CCDC22: variants seen among roughly 807,000 people sequenced by gnomAD.
The protein encoded by CCDC22 is CCC complex scaffolding subunit CCDC22, also known as coiled-coil domain-containing protein 22.
A neutral mutation model predicts 53.1 loss-of-function variants in CCDC22; 4 were observed. That is an observed-to-expected ratio of 0.08 (90% CI 0.04 to 0.17). CCDC22 has a LOEUF of 0.17. CCDC22 is among the 10% of genes least tolerant of loss of function. CCDC22 has a pLI of 1.00. For missense variants in CCDC22, 458 were observed against 554.0 expected (o/e 0.83, Z 1.74); for synonymous variants, 222 against 224.4 (o/e 0.99, Z 0.10).
chrX:49,242,092 T>G lies in CCDC22; in HGVS notation c.305T>G (p.Leu102Arg). Residue 102 changes from leucine (L) to arginine (R), a missense_variant, in exon 3 of 17, where the codon CTC becomes CGC. Leu to Arg is a moderately radical substitution (Grantham distance 102, BLOSUM62 -2). Around this residue, in one of 4 missense-constraint regions of CCDC22, gnomAD observed 55 missense variants for 106.0 expected, o/e 0.52. Coordinates refer to ENST00000376227, the MANE Select transcript of CCDC22 (RefSeq NM_014008.5). ...PSEPDLRDLL[L>R]FLAERLPTDA... ...GAGCCTGACCTCCGAGACCTGCTTC[T>G]CTTCTTGGCTGAGCGTCTGCCCACC... 8.3e-7 allele frequency: 1 copy of G among 1,210,622 alleles called. No individual in the cohort carries two copies. The highest frequency in any genetic ancestry group is 1.1e-6 in the Non-Finnish European group (1 of 895,146).
At position 49,236,975 on chromosome X, in the gene CCDC22, A is replaced by G. The variant is rs782779674; in HGVS notation, c.51-111A>G. The G allele has an allele frequency of 2.4e-3, 1,420 of 594,037 alleles. 1 individual carries two copies. The highest frequency in any genetic ancestry group is 5.0e-3 in the Middle Eastern group (15 of 3,016). 49.0% of individuals were successfully genotyped at this position (594,037 alleles called of 1,213,427 possible). A position where few individuals can be genotyped will look rare whatever the true frequency, so the allele number is the denominator to read the frequency against. ...AACATCCAGGATCTGTCTGAACTGT[A>G]GGCATCCTCCCTGCCCCGACCCTGG... On this transcript the variant is annotated intron_variant, in intron 1 of 16. Coordinates refer to ENST00000376227, the MANE Select transcript of CCDC22 (RefSeq NM_014008.5).
chrX:49,239,041 T>C (rs1376239239), intron 2 of CCDC22, among the ~76,000 whole-genome samples: 1 of 110,923 alleles, frequency 9.0e-6, no homozygotes, highest in Non-Finnish European at 1.9e-5. Context: ...AGTGGCACAA[T>C]CTCGGCTTAC....
rs1557114874 is a variant in CCDC22, at chrX:49,248,928, C to T, written c.1539+4C>T. On this transcript the variant is annotated splice_donor_region_variant and intron_variant, in intron 13 of 16. Coordinates refer to ENST00000376227, the MANE Select transcript of CCDC22 (RefSeq NM_014008.5). The stretch of plus-strand genomic sequence containing the variant: ...GCAGAAGGAAGAGATCACCAAGGTA[C>T]ACTGCCAGGGCCATGGAGGGTGGGT... The T allele has an allele frequency of 2.5e-6, 3 of 1,207,735 alleles. No individual in the cohort carries two copies. The highest frequency in any genetic ancestry group is 1.8e-5 in the South Asian group (1 of 56,175).
At position 49,248,187 on chromosome X, in the gene CCDC22, C is replaced by T; in HGVS notation, c.1093-4C>T. The T allele has an allele frequency of 1.7e-6, 2 of 1,201,469 alleles. No homozygotes were observed. The highest frequency in any genetic ancestry group is 1.1e-6 in the Non-Finnish European group (1 of 895,264). ...TGGCATGTGACTGGGTATCCACCGG[C>T]CAGGCAGAGTCTGAGTGCCGGCACA... On this transcript the variant is annotated splice_polypyrimidine_tract_variant and splice_region_variant and intron_variant, in intron 9 of 16. Transcript: ENST00000376227.
intron 1 of CCDC22, 70 bp downstream of exon 1, chrX:49,235,756 C>T (rs1415223125): frequency 1.0e-5 from 10 of 991,257 alleles, no homozygotes; most frequent in African/African-American, 3.9e-5. Context: ...CCCCGTTTCC[C>T]GGGAACCTTA....
At position 49,235,647 on chromosome X, in the gene CCDC22, C is replaced by T. The variant is rs868927716; in HGVS notation, c.11C>T (p.Ala4Val). Reference sequence around the variant, plus strand: ...CGACACGGCTCCACCATGGAGGAGGCGGACCGAATCCTCATCCATTCGCTG... The same window carrying T: ...CGACACGGCTCCACCATGGAGGAGGTGGACCGAATCCTCATCCATTCGCTG... The part of the protein sequence containing the change: MEE[A>V]DRILIHSLRQ... The change falls in exon 1 of 17, where the codon GCG becomes GTG. Residue 4 changes from alanine (A) to valine (V), a missense_variant. Coordinates refer to ENST00000376227, the MANE Select transcript of CCDC22 (RefSeq NM_014008.5). The T allele has an allele frequency of 8.5e-7, 1 of 1,182,133 alleles. No homozygotes were observed. The highest frequency in any genetic ancestry group is 1.1e-6 in the Non-Finnish European group (1 of 880,723).
chrX:49,246,698 C>T (rs2065991389), intron 6 of CCDC22, 33 bp from the exon 7 acceptor site: 10 of 1,099,424 alleles, frequency 9.1e-6, no homozygotes, highest in South Asian at 2.3e-5. Context: ...TGGGCCCCTA[C>T]ACCTTCCTGC....
In CCDC22 at chrX:49,249,720, G is replaced by A; in HGVS notation, c.1765G>A (p.Glu589Lys). The A allele has an allele frequency of 8.3e-7, 1 of 1,204,690 alleles. No individual in the cohort carries two copies. The highest frequency in any genetic ancestry group is 3.0e-5 in the East Asian group (1 of 33,822). ...CATGCGGGAGGTTCGAGACCTCGAG[G>A]AGCAGGTGAGGCCTGGGGGCAGGAT... Reference protein sequence around the residue: ...TIMREVRDLEEQIETELGKKT... With the variant: ...TIMREVRDLEKQIETELGKKT... The change falls in exon 16 of 17, where the codon GAG becomes AAG. Residue 589 changes from glutamate (E) to lysine (K), a missense_variant. By Grantham distance (56) the Glu-to-Lys change is moderately conservative. This residue lies in a region of CCDC22 where 46 missense variants were observed against 52.3 expected (regional missense o/e 0.88). Transcript: ENST00000376227.
chrX:49,240,322 CG>C (rs1389934657), intron 2 of CCDC22, among the ~76,000 whole-genome samples: 1 of 106,294 alleles, frequency 9.4e-6, no homozygotes, highest in African/African-American at 3.4e-5. Flanking sequence ...GAGGTGGAGG[CG>C]GGCAGATCTC....
Position 49,246,872 on chromosome X carries a change from G to A in CCDC22, c.856G>A (p.Gly286Ser), listed in dbSNP as rs781889561. Residue 286 changes from glycine to serine, a missense_variant, in exon 7 of 17, where the codon GGT becomes AGT. Physicochemically the swap from Gly to Ser is moderately conservative, Grantham distance 56. This residue lies in a region of CCDC22 where 309 missense variants were observed against 312.3 expected (regional missense o/e 0.99). Transcript: ENST00000376227. ...GGCCTGGGGTGCTGGGGCCAAGACT[G>A]GTGCTCCTAAGGGCTCCCGCTTCAC... ...LQAWGAGAKT[G>S]APKGSRFTHS... The A allele has an allele frequency of 2.5e-6, 3 of 1,201,016 alleles. No homozygotes were observed. The highest frequency in any genetic ancestry group is 3.4e-6 in the Non-Finnish European group (3 of 890,302).
At chrX:49,248,134 A>C (rs1334850605) in intron 9 of CCDC22, 57 bp from the exon 10 acceptor site, 1 of 1,195,370 alleles carries the variant, frequency 8.4e-7, no homozygotes, top group Admixed American at 2.2e-5. Flanking sequence ...AGGGGTGTAC[A>C]GTCATCTGTG....
chrX:49,249,835 C>T, intron 16 of CCDC22, 110 bp downstream of exon 16: 1 of 685,144 alleles, frequency 1.5e-6, no homozygotes. Context: ...GGACACCCAG[C>T]CCTGCCCCTT....
intron 6 of CCDC22, 85 bp downstream of exon 6, chrX:49,243,547 G>A: frequency 1.3e-6 from 1 of 783,277 alleles, no homozygotes; most frequent in South Asian, 2.8e-5. Flanking sequence ...TCCCCACTTT[G>A]TCCCTCCCTT....
At position 49,236,942 on chromosome X, in the gene CCDC22, C is replaced by CA. The variant is rs782129933; in HGVS notation, c.51-143dup. 4.1e-4 allele frequency: 169 copies of CA among 411,443 alleles called. 2 individuals are homozygous for CA. In the South Asian group the frequency reaches 0.011, roughly 26 times the overall value. The allele number at this position is 411,443 out of a possible 1,213,427, so 33.9% of individuals were successfully genotyped here. A position where few individuals can be genotyped will look rare whatever the true frequency, so the allele number is the denominator to read the frequency against. On this transcript the variant is annotated intron_variant, in intron 1 of 16. Transcript: ENST00000376227. ...TTCCTGGTTTTCCAAATGGAAGTCA[C>CA]AGTCACCAACATCCAGGATCTGTCT...
chrX:49,243,448 C>T lies in CCDC22; in HGVS notation c.700C>T (p.Arg234Cys), dbSNP rs138289992. ...TGAGGACTGGGTCCACCGGACATCC[C>T]GCCTCCCACCCCAGGTACAGCCAGA... ...GDEDWVHRTS[R>C]LPPQEDTRAQ... is the part of the protein sequence containing the mutation. Residue 234 changes from arginine to cysteine, a missense_variant, in exon 6 of 17, where the codon CGC (arginine) becomes TGC (cysteine). Coordinates refer to ENST00000376227, the MANE Select transcript of CCDC22 (RefSeq NM_014008.5). The T allele has an allele frequency of 1.2e-5, 14 of 1,173,913 alleles. No homozygotes were observed. In the Admixed American group the frequency reaches 1.4e-4, roughly 12 times the overall value.
chrX:49,247,137 G>A, intron 7 of CCDC22: 2 of 442,244 alleles, frequency 4.5e-6, no homozygotes, highest in African/African-American at 2.4e-5. Context: ...CCATGCAAAG[G>A]TGTGGGGGTG....
chrX:49,249,622 T>C (rs2066013997), intron 15 of CCDC22, 29 bp from the exon 16 acceptor site: 2 of 1,189,827 alleles, frequency 1.7e-6, no homozygotes, highest in East Asian at 3.0e-5. Context: ...TGGGACTGGG[T>C]GCAAGCCTTC....
Position 49,247,700 on chromosome X carries a change from G to A in CCDC22, c.1024G>A (p.Glu342Lys). The stretch of plus-strand genomic sequence containing the variant: ...GCTCGAGTCCCTTCGGGAGCAGCTG[G>A]AAGGAGTGAACCGCAGCATTGAGGA... Reference protein sequence around the residue: ...QELESLREQLEGVNRSIEEVE... With the variant: ...QELESLREQLKGVNRSIEEVE... The change falls in exon 9 of 17, where the codon GAA (glutamate) becomes AAA (lysine). Residue 342 changes from glutamate (E) to lysine (K), a missense_variant. Glu to Lys is a moderately conservative substitution (Grantham distance 56, BLOSUM62 1). This residue lies in a region of CCDC22 where 309 missense variants were observed against 312.3 expected (regional missense o/e 0.99). Coordinates refer to ENST00000376227, the MANE Select transcript of CCDC22 (RefSeq NM_014008.5). The A allele has an allele frequency of 8.3e-7, 1 of 1,207,966 alleles. No individual in the cohort carries two copies. The highest frequency in any genetic ancestry group is 1.1e-6 in the Non-Finnish European group (1 of 893,488).
At chrX:49,244,671 C>G (rs1557113931) in intron 6 of CCDC22, among the ~76,000 whole-genome samples, 1 of 111,500 alleles carries the variant, frequency 9.0e-6, no homozygotes, top group Non-Finnish European at 1.9e-5. Context: ...AGCAATCTTC[C>G]CACCTCAGGC....
Sources: allele counts gnomAD v4.1 joint callset (sites outside exome capture counted in the v4.1 genomes callset), GRCh38; gene constraint gnomAD v4.1.1; regional missense constraint gnomAD v4.1.1; transcripts MANE v1.5; gene names NCBI Gene and HGNC (gene_info 2026-07-23, HGNC 2026-07-21).